The following MEIS2 variants were observed in gnomAD, a reference collection of about 807,000 sequenced individuals.
The protein encoded by MEIS2 is Meis homeobox 2.
A neutral mutation model predicts 58.6 loss-of-function variants in MEIS2; 9 were observed. That is an observed-to-expected ratio of 0.15 (90% CI 0.09 to 0.27). MEIS2 has a LOEUF of 0.27. Among genes scored for constraint, MEIS2 ranks in the 10% least tolerant of loss-of-function variants. MEIS2 has a pLI of 1.00. For synonymous variants in MEIS2, 221 were observed against 228.4 expected, an observed-to-expected ratio of 0.97 and a Z score of 0.29; for missense variants, 427 against 635.0, an observed-to-expected ratio of 0.67 and a Z score of 3.52.
At chr15:36,925,244 G>T (rs1035477418) in intron 9 of MEIS2, among the ~76,000 whole-genome samples, 1 of 152,226 alleles carries the variant, frequency 6.6e-6, no homozygotes, top group East Asian at 1.9e-4. Flanking sequence ...GCCTTGCTAG[G>T]TGCACTTGAC....
intron 8 of MEIS2, among the ~76,000 whole-genome samples, chr15:37,007,253 G>A (rs988512542): frequency 6.6e-6 from 1 of 152,132 alleles, no homozygotes; most frequent in African/African-American, 2.4e-5. Flanking sequence ...ATCCAGCCAG[G>A]TATATTAGAG....
At chr15:37,061,659 T>A (rs1177251574) in intron 7 of MEIS2, among the ~76,000 whole-genome samples, 1 of 152,122 alleles carries the variant, frequency 6.6e-6, no homozygotes, top group Non-Finnish European at 1.5e-5. Flanking sequence ...TTTAACACTT[T>A]AAAAAATCCT....
chr15:36,941,725 G>A (rs1467005695), intron 9 of MEIS2, among the ~76,000 whole-genome samples: 2 of 152,052 alleles, frequency 1.3e-5, no homozygotes, highest in African/African-American at 2.4e-5. Context: ...TATCAATCAC[G>A]GAAAAAGGAT....
At chr15:36,999,779 T>C (rs146532526) in intron 8 of MEIS2, among the ~76,000 whole-genome samples, 371 of 152,386 alleles carry the variant, frequency 2.4e-3, no homozygotes, top group African/African-American at 8.4e-3. Flanking sequence ...CTTCCATTTA[T>C]TGAGCAGCTA....
chr15:36,950,258 G>T, intron 9 of MEIS2, 66 bp downstream of exon 9: 1 of 1,311,988 alleles, frequency 7.6e-7, no homozygotes, highest in Non-Finnish European at 1.1e-6. Flanking sequence ...AAAAAAGAGA[G>T]AAAACCATTA....
intron 8 of MEIS2, among the ~76,000 whole-genome samples, chr15:37,019,391 C>A (rs2061448411): frequency 6.6e-6 from 1 of 152,168 alleles, no homozygotes; most frequent in East Asian, 1.9e-4. Flanking sequence ...TTCTTTTTGT[C>A]TACCACCCCT....
chr15:36,979,821 TAGG>T (rs1408286481), intron 8 of MEIS2, among the ~76,000 whole-genome samples: 1 of 147,620 alleles, frequency 6.8e-6, no homozygotes, highest in African/African-American at 2.5e-5. Flanking sequence ...ATTAGAAATT[TAGG>T]AGATTTTTCC....
At chr15:36,958,191 T>C (rs1446953454) in intron 8 of MEIS2, among the ~76,000 whole-genome samples, 1 of 152,162 alleles carries the variant, frequency 6.6e-6, no homozygotes, top group African/African-American at 2.4e-5. Context: ...GTTTGGTGGA[T>C]ACTGAGAGCC....
chr15:36,930,390 G>A (rs1369970494), intron 9 of MEIS2, among the ~76,000 whole-genome samples: 2 of 152,058 alleles, frequency 1.3e-5, no homozygotes, highest in African/African-American at 4.8e-5. Flanking sequence ...AGGTCACTGA[G>A]GCTGGCAAGG....
intron 8 of MEIS2, among the ~76,000 whole-genome samples, chr15:36,983,264 T>C (rs2059987931): frequency 6.6e-6 from 1 of 152,134 alleles, no homozygotes. Flanking sequence ...TTTCTTCTAG[T>C]AGTTTTACAG....
chr15:36,962,565 G>A (rs1286587214), intron 8 of MEIS2, among the ~76,000 whole-genome samples: 2 of 150,978 alleles, frequency 1.3e-5, no homozygotes, highest in Non-Finnish European at 3.0e-5. Flanking sequence ...TGTTATTTTT[G>A]TTGTCTTTTT....
At chr15:36,926,620 G>T (rs1401020743) in intron 9 of MEIS2, among the ~76,000 whole-genome samples, 2 of 152,138 alleles carry the variant, frequency 1.3e-5, no homozygotes, top group African/African-American at 4.8e-5. Flanking sequence ...ACCCAATTGC[G>T]GTTTGACAGG....
At position 36,945,029 on chromosome 15, in the gene MEIS2, C is replaced by T. The variant is rs138868061; in HGVS notation, c.977+5295G>A. 3.1e-3 allele frequency among the ~76,000 whole-genome samples: 475 copies of T among 152,150 alleles called. 3 individuals are homozygous for T. The highest frequency in any genetic ancestry group is 3.8e-3 in the Non-Finnish European group (258 of 67,968). ...GATGTCCTAATATCACAACATATTTCCTGGTGTCTGCTCTCCTTGCAGTGG... is the reference window on the plus strand; with the variant it reads ...GATGTCCTAATATCACAACATATTTTCTGGTGTCTGCTCTCCTTGCAGTGG... On this transcript the variant is annotated intron_variant, in intron 9 of 11. Coordinates refer to ENST00000561208, the MANE Select transcript of MEIS2 (RefSeq NM_170675.5).
chr15:36,978,510 T>C (rs1023958877), intron 8 of MEIS2, among the ~76,000 whole-genome samples: 1 of 152,214 alleles, frequency 6.6e-6, no homozygotes, highest in Non-Finnish European at 1.5e-5. Flanking sequence ...GATTGTTTTA[T>C]TTTAAAATGC....
chr15:37,038,326 T>C (rs958065258), intron 7 of MEIS2, among the ~76,000 whole-genome samples: 6 of 152,244 alleles, frequency 3.9e-5, no homozygotes, highest in Non-Finnish European at 5.9e-5. Context: ...ACAGCCATCC[T>C]GCCCACTGGG....
chr15:37,010,587 A>G (rs1048836781), intron 8 of MEIS2, among the ~76,000 whole-genome samples: 3 of 152,074 alleles, frequency 2.0e-5, no homozygotes, highest in Non-Finnish European at 2.9e-5. Flanking sequence ...CATATTGCTC[A>G]GGCTGGCCCT....
intron 8 of MEIS2, among the ~76,000 whole-genome samples, chr15:36,993,737 A>T (rs752106031): frequency 6.6e-6 from 1 of 152,214 alleles, no homozygotes; most frequent in African/African-American, 2.4e-5. Context: ...TGAATCTACA[A>T]ATGTCTTCAG....
intron 7 of MEIS2, among the ~76,000 whole-genome samples, chr15:37,076,378 T>G (rs374258840): frequency 2.5e-4 from 38 of 152,168 alleles, no homozygotes; most frequent in Middle Eastern, 3.4e-3. Flanking sequence ...CTGTGTTTGG[T>G]GCTCTGGAGG....
intron 7 of MEIS2, among the ~76,000 whole-genome samples, chr15:37,072,478 C>A (rs1347670790): frequency 1.3e-5 from 2 of 152,056 alleles, no homozygotes; most frequent in Non-Finnish European, 1.5e-5. Context: ...ATGTACGCAC[C>A]CACTTGCCTC....
Sources: allele counts gnomAD v4.1 joint callset (sites outside exome capture counted in the v4.1 genomes callset), GRCh38; gene constraint gnomAD v4.1.1; transcripts MANE v1.5; gene names NCBI Gene and HGNC (gene_info 2026-07-23, HGNC 2026-07-21).